Variants in SNX29 observed in about 807,000 individuals in gnomAD.
SNX29 encodes sorting nexin 29.
In SNX29, 78 loss-of-function variants were observed where a neutral mutation model predicts 102.1. The observed-to-expected ratio is 0.76, with a 90% confidence interval of 0.64 to 0.92. The LOEUF (loss-of-function observed/expected upper bound fraction) is 0.92, where lower values mean the gene tolerates loss of function less well. Among genes scored for constraint, SNX29 ranks in the 40% least tolerant of loss-of-function variants. The pLI, the probability that SNX29 is intolerant of heterozygous loss-of-function variation, is 0.00. For synonymous variants in SNX29, 580 were observed against 414.5 expected, an observed-to-expected ratio of 1.40 and a Z score of -4.85; for missense variants, 1,280 against 1,061.7, an observed-to-expected ratio of 1.21 and a Z score of -2.86.
At chr16:12,239,869 T>A (rs1194063211) in intron 14 of SNX29, among the ~76,000 whole-genome samples, 1 of 152,098 alleles carries the variant, frequency 6.6e-6, no homozygotes, top group East Asian at 1.9e-4. Flanking sequence ...TAGAATTTTT[T>A]AAAGTAGCAC....
intron 13 of SNX29, among the ~76,000 whole-genome samples, chr16:12,135,095 T>G (rs1337446375): frequency 3.9e-5 from 6 of 152,140 alleles, no homozygotes; most frequent in Admixed American, 3.9e-4. Flanking sequence ...GGGAGAGAAC[T>G]CACCTTCTTT....
At chr16:12,534,957 A>C (rs1413798851) in intron 20 of SNX29, among the ~76,000 whole-genome samples, 1 of 152,186 alleles carries the variant, frequency 6.6e-6, no homozygotes, top group Non-Finnish European at 1.5e-5. Context: ...TGCACAGCAG[A>C]GTTATCTGAC....
intron 13 of SNX29, among the ~76,000 whole-genome samples, chr16:12,161,803 C>A (rs201528944): frequency 6.7e-6 from 1 of 150,066 alleles, no homozygotes; most frequent in Non-Finnish European, 1.5e-5. Context: ...CACGCCAGTT[C>A]CCTATGCCTT....
intron 18 of SNX29, among the ~76,000 whole-genome samples, chr16:12,423,599 C>G (rs1597330052): frequency 6.6e-6 from 1 of 152,264 alleles, no homozygotes; most frequent in East Asian, 1.9e-4. Flanking sequence ...GAGATGGAGT[C>G]TGGCTCTGTC....
intron 15 of SNX29, among the ~76,000 whole-genome samples, chr16:12,289,399 T>G (rs1307110813): frequency 6.6e-6 from 1 of 152,246 alleles, no homozygotes; most frequent in South Asian, 2.1e-4. Flanking sequence ...TGTGCAGGCA[T>G]GCTTGCGCCC....
rs564174737 is a variant in SNX29 at position 12,237,328 on chromosome 16, C to T, written c.1678+37645C>T. ...CCTTTGGGGAGGTGGGGAGCTGTGC[C>T]TCTGTCTGGGAGTGGGCAGTTTCCC... is the stretch of plus-strand genomic sequence containing the variant. On this transcript the variant is annotated intron_variant, in intron 14 of 20. Transcript: ENST00000566228. Among the ~76,000 whole-genome samples the T allele has an allele frequency of 3.9e-5, 6 of 152,226 alleles. No homozygotes were observed. The South Asian group carries it at 1.2e-3, about 31-fold the overall frequency.
At chr16:12,002,593 A>G (rs1436422650) in intron 2 of SNX29, among the ~76,000 whole-genome samples, 17 of 152,180 alleles carry the variant, frequency 1.1e-4, no homozygotes, top group Admixed American at 1.1e-3. Flanking sequence ...GGCTCGTCCA[A>G]AGGGATCCAT....
intron 18 of SNX29, among the ~76,000 whole-genome samples, chr16:12,440,505 C>T (rs1215359967): frequency 2.0e-5 from 3 of 152,114 alleles, no homozygotes; most frequent in African/African-American, 7.2e-5. Context: ...TGAACTTGTG[C>T]CATGGGGGTT....
intron 14 of SNX29, among the ~76,000 whole-genome samples, chr16:12,233,619 A>C (rs536257016): frequency 6.6e-6 from 1 of 152,246 alleles, no homozygotes; most frequent in African/African-American, 2.4e-5. Flanking sequence ...AAACAACTTT[A>C]TTGAGATATA....
At chr16:12,442,817 C>A (rs1427137495) in intron 18 of SNX29, among the ~76,000 whole-genome samples, 2 of 152,136 alleles carry the variant, frequency 1.3e-5, no homozygotes, top group African/African-American at 4.8e-5. Flanking sequence ...TGGTCTCCAA[C>A]TCCTGGGCTC....
intron 17 of SNX29, among the ~76,000 whole-genome samples, chr16:12,400,620 C>T (rs1409229323): frequency 6.6e-6 from 1 of 152,198 alleles, no homozygotes. Flanking sequence ...CAGACCAAAG[C>T]AGGCCCTGGA....
intron 20 of SNX29, among the ~76,000 whole-genome samples, chr16:12,553,666 C>G (rs529588239): frequency 2.0e-5 from 3 of 148,150 alleles, no homozygotes; most frequent in African/African-American, 5.0e-5. Flanking sequence ...TCTTGGCTCA[C>G]TGCAACCTCC....
At chr16:12,234,592 T>C (rs1054768199) in intron 14 of SNX29, among the ~76,000 whole-genome samples, 4 of 152,218 alleles carry the variant, frequency 2.6e-5, no homozygotes, top group South Asian at 4.1e-4. Context: ...CTATTTTTTC[T>C]TTTGTCATGT....
chr16:12,006,166 T>A (rs2056445077), intron 3 of SNX29, among the ~76,000 whole-genome samples: 1 of 151,384 alleles, frequency 6.6e-6, no homozygotes, highest in Non-Finnish European at 1.5e-5. Context: ...ATCGTGCCAT[T>A]GCATTCTAGC....
rs982214489 is a variant in SNX29, at chr16:12,538,376, C to T, written c.2318+13535C>T. 6.6e-5 allele frequency among the ~76,000 whole-genome samples: 10 copies of T among 152,184 alleles called. No homozygotes were observed. In the South Asian group the frequency reaches 1.0e-3, roughly 16 times the overall value. ...AAGTGCTGACATTACAGGCGTGAGC[C>T]ACCGCGCCCGGCCTCCCCTTGCACT... is the stretch of plus-strand genomic sequence containing the variant. On this transcript the variant is annotated intron_variant, in intron 20 of 20. Coordinates refer to ENST00000566228, the MANE Select transcript of SNX29 (RefSeq NM_032167.5).
At chr16:12,090,775 C>T (rs1429292533) in intron 11 of SNX29, among the ~76,000 whole-genome samples, 1 of 152,018 alleles carries the variant, frequency 6.6e-6, no homozygotes, top group Non-Finnish European at 1.5e-5. Flanking sequence ...CTTTGGGAGG[C>T]TGAAGCAGGC....
At chr16:12,061,985 G>A (rs1251430365) in intron 9 of SNX29, among the ~76,000 whole-genome samples, 1 of 152,186 alleles carries the variant, frequency 6.6e-6, no homozygotes, top group Non-Finnish European at 1.5e-5. Flanking sequence ...CCACGATTTT[G>A]CCTCTTTGGA....
intron 14 of SNX29, among the ~76,000 whole-genome samples, chr16:12,208,394 C>G (rs910697234): frequency 7.1e-6 from 1 of 140,688 alleles, no homozygotes; most frequent in South Asian, 2.3e-4. Flanking sequence ...AAACAGCTTA[C>G]TTTGGGGTTT....
intron 14 of SNX29, among the ~76,000 whole-genome samples, chr16:12,202,483 C>G (rs1205761274): frequency 6.6e-6 from 1 of 152,212 alleles, no homozygotes; most frequent in African/African-American, 2.4e-5. Flanking sequence ...AGGGCAAATT[C>G]TTCATGCTCT....
Sources: allele counts gnomAD v4.1 joint callset (sites outside exome capture counted in the v4.1 genomes callset), GRCh38; gene constraint gnomAD v4.1.1; transcripts MANE v1.5; gene names NCBI Gene and HGNC (gene_info 2026-07-23, HGNC 2026-07-21).